Variants in ADGRA3 observed in about 807,000 individuals in gnomAD.
ADGRA3 encodes the protein adhesion G protein-coupled receptor A3.
ADGRA3 carries 56 observed loss-of-function variants against 119.8 expected under a neutral mutation model. The ratio of observed to expected loss-of-function variants is 0.47; its 90% CI spans 0.38 to 0.58. The LOEUF (loss-of-function observed/expected upper bound fraction) is 0.58, where lower values mean the gene tolerates loss of function less well. Ranked by LOEUF, ADGRA3 falls within the 20% of genes least tolerant of loss-of-function variation. ADGRA3 has a pLI of 0.00. For missense variants in ADGRA3, 1,516 were observed against 1,649.0 expected (o/e 0.92, Z 1.40); for synonymous variants, 607 against 623.8 (o/e 0.97, Z 0.40).
chr4:22,427,961 GCAC>G (rs1393436302), intron 10 of ADGRA3, among the ~76,000 whole-genome samples: 1 of 152,114 alleles, frequency 6.6e-6, no homozygotes, highest in Admixed American at 6.6e-5. Context: ...AGAAACAAAT[GCAC>G]CACATTAATG....
intron 2 of ADGRA3, among the ~76,000 whole-genome samples, chr4:22,462,755 T>C (rs1333071969): frequency 2.0e-5 from 3 of 152,228 alleles, no homozygotes; most frequent in East Asian, 1.9e-4. Context: ...TTCTCAAGTA[T>C]GCTGGCACGT....
Position 22,387,600 on chromosome 4 carries a change from T to C in ADGRA3, c.*105A>G, listed in dbSNP as rs1380644403. ...AAACTTCAAAGTTTATTCCAAATTC[T>C]TTTGAATCCCTATGGTGGCTGTAAA... On this transcript the variant is annotated 3_prime_UTR_variant, in exon 19 of 19. Coordinates refer to ENST00000334304, the MANE Select transcript of ADGRA3 (RefSeq NM_145290.4). 11 of 1,092,118 alleles carry C rather than the reference T, an allele frequency of 1.0e-5. No individual in the cohort carries two copies. The highest frequency in any genetic ancestry group is 5.4e-5 in the Admixed American group (2 of 37,088). The allele number at this position is 1,092,118 out of a possible 1,614,324, so 67.7% of individuals were successfully genotyped here.
At chr4:22,461,638 A>G in intron 3 of ADGRA3, 99 bp downstream of exon 3, 1 of 880,976 alleles carries the variant, frequency 1.1e-6, no homozygotes, top group Non-Finnish European at 1.8e-6. Context: ...AAAGCTCAAA[A>G]AATTATTAAA....
At chr4:22,498,988 A>C (rs1718953677) in intron 1 of ADGRA3, among the ~76,000 whole-genome samples, 1 of 152,202 alleles carries the variant, frequency 6.6e-6, no homozygotes, top group South Asian at 2.1e-4. Flanking sequence ...CAACACAGGC[A>C]TTAGCCCTAG....
intron 14 of ADGRA3, among the ~76,000 whole-genome samples, chr4:22,412,898 C>T (rs1159443286): frequency 6.6e-6 from 1 of 152,026 alleles, no homozygotes. Context: ...AACAGTCTCT[C>T]CAAGTTTTAA....
chr4:22,481,628 A>G (rs1235871405), intron 1 of ADGRA3, among the ~76,000 whole-genome samples: 1 of 152,226 alleles, frequency 6.6e-6, no homozygotes, highest in Non-Finnish European at 1.5e-5. Context: ...AGTTTTACAG[A>G]GTAAAACAGA....
intron 14 of ADGRA3, among the ~76,000 whole-genome samples, chr4:22,404,412 C>T (rs1020258307): frequency 8.5e-5 from 13 of 152,122 alleles, no homozygotes; most frequent in African/African-American, 3.1e-4. Context: ...TAACAAACTC[C>T]TCACCTTGTC....
At chr4:22,462,018 G>T (rs996941755) in intron 2 of ADGRA3, among the ~76,000 whole-genome samples, 3 of 151,888 alleles carry the variant, frequency 2.0e-5, no homozygotes, top group East Asian at 1.9e-4. Context: ...CTTTTGGTTT[G>T]GTCAATAAAA....
At chr4:22,448,914 G>T (rs1024169828) in intron 4 of ADGRA3, among the ~76,000 whole-genome samples, 1 of 152,172 alleles carries the variant, frequency 6.6e-6, no homozygotes, top group Non-Finnish European at 1.5e-5. Context: ...AATGTGAATT[G>T]TGAGAAAGGT....
rs1560308039 is a variant in ADGRA3 at position 22,421,092 on chromosome 4, T to C, written c.1606-3A>G. ...TCCAGAGCAATATTGGGTGAATACT[T>C]GAAAAGTCAATCAAACAGGAGTTAT... On this transcript the variant is annotated splice_polypyrimidine_tract_variant and splice_region_variant and intron_variant, in intron 11 of 18. Transcript: ENST00000334304. The C allele has an allele frequency of 3.7e-6, 6 of 1,611,740 alleles. No homozygotes were observed. The highest frequency in any genetic ancestry group is 5.1e-6 in the Non-Finnish European group (6 of 1,178,328).
chr4:22,419,779 T>C (rs1715576489), intron 12 of ADGRA3, among the ~76,000 whole-genome samples: 1 of 152,102 alleles, frequency 6.6e-6, no homozygotes, highest in Non-Finnish European at 1.5e-5. Flanking sequence ...TTTGTTTTTT[T>C]CCCCAATATA....
In ADGRA3 at chr4:22,401,420, C is replaced by T. The variant is rs1393196989; in HGVS notation, c.2481+11G>A. The T allele has an allele frequency of 1.2e-5, 19 of 1,576,590 alleles. No homozygotes were observed. Among genetic ancestry groups the T allele is most frequent in the Non-Finnish European group, 1.5e-5 (18 of 1,161,766 alleles). Reference sequence around the variant, plus strand: ...TAATTTTTTCCATTTCGGTTTTTCACTCTGACTTACTGCTTGGCAGATGCT... The same window carrying T: ...TAATTTTTTCCATTTCGGTTTTTCATTCTGACTTACTGCTTGGCAGATGCT... On this transcript the variant is annotated intron_variant, in intron 16 of 18. Transcript: ENST00000334304.
intron 1 of ADGRA3, among the ~76,000 whole-genome samples, chr4:22,509,686 C>T (rs899682456): frequency 6.6e-6 from 1 of 151,870 alleles, no homozygotes; most frequent in African/African-American, 2.4e-5. Context: ...CTCCATGGGA[C>T]AAGATGGAGA....
chr4:22,421,981 C>A (rs1395562789), intron 11 of ADGRA3, among the ~76,000 whole-genome samples: 1 of 151,116 alleles, frequency 6.6e-6, no homozygotes, highest in African/African-American at 2.4e-5. Flanking sequence ...GGCACCTGCC[C>A]TAGAGTTTTA....
At chr4:22,469,345 G>A (rs1717776377) in intron 2 of ADGRA3, among the ~76,000 whole-genome samples, 2 of 152,214 alleles carry the variant, frequency 1.3e-5, no homozygotes, top group South Asian at 2.1e-4. Context: ...ACATGAGGCA[G>A]AGAGTGTACA....
intron 14 of ADGRA3, among the ~76,000 whole-genome samples, chr4:22,406,881 A>G (rs1714955671): frequency 6.6e-6 from 1 of 152,184 alleles, no homozygotes; most frequent in African/African-American, 2.4e-5. Flanking sequence ...TAAAAAAATT[A>G]AAAGCCATTA....
chr4:22,490,222 A>T (rs950883652), intron 1 of ADGRA3, among the ~76,000 whole-genome samples: 1 of 150,244 alleles, frequency 6.7e-6, no homozygotes, highest in Non-Finnish European at 1.5e-5. Flanking sequence ...GCCATAGTAG[A>T]TATCTTTCAA....
rs189292382 is a variant in ADGRA3 at position 22,388,191 on chromosome 4, A to G, written c.3480T>C (p.Val1160=). ...TTGAGTGCACATTTGTTCGAAACTGAACTTCTAAAGGCGCCACGTGCATTT... is the reference window on the plus strand; with the variant it reads ...TTGAGTGCACATTTGTTCGAAACTGGACTTCTAAAGGCGCCACGTGCATTT... ...DIKMHVAPLE[V]QFRTNVHSSR... is the part of the protein sequence containing the mutation. The change falls in exon 19 of 19, where the codon GTT becomes GTC. Residue 1160 remains valine, a synonymous_variant. Coordinates refer to ENST00000334304, the MANE Select transcript of ADGRA3 (RefSeq NM_145290.4). 3.7e-5 allele frequency: 60 copies of G among 1,614,016 alleles called. No individual in the cohort carries two copies. The highest frequency in any genetic ancestry group is 2.8e-4 in the Admixed American group (17 of 60,008).
chr4:22,415,979 G>T (rs1715413248), intron 12 of ADGRA3, among the ~76,000 whole-genome samples: 1 of 152,114 alleles, frequency 6.6e-6, no homozygotes, highest in Non-Finnish European at 1.5e-5. Flanking sequence ...AATAACTGCA[G>T]GTTCCCTGAG....
Sources: gnomAD v4.1 joint callset for allele counts (sites outside exome capture counted in the v4.1 genomes callset) on GRCh38, gnomAD v4.1.1 for gene constraint, MANE v1.5 for transcripts, NCBI Gene and HGNC (gene_info 2026-07-23, HGNC 2026-07-21) for gene names.